POLR1B: variants seen among roughly 807,000 people sequenced by gnomAD.
POLR1B encodes the protein RNA polymerase I subunit B, also known as DNA-directed RNA polymerase I subunit RPA2.
Under a neutral mutation model 105.8 loss-of-function variants are expected in POLR1B, and 30 were observed. That is an observed-to-expected ratio of 0.28 (90% CI 0.21 to 0.38). POLR1B has a LOEUF of 0.38. POLR1B is among the 10% of genes least tolerant of loss of function. The probability of loss-of-function intolerance (pLI) is 1.00; values close to 1 mark genes in which losing one functional copy is unlikely to be tolerated. For synonymous variants in POLR1B, 485 were observed against 505.1 expected (o/e 0.96, Z 0.53); for missense variants, 976 against 1,435.8 (o/e 0.68, Z 5.17).
intron 9 of POLR1B, among the ~76,000 whole-genome samples, chr2:112,560,367 A>G (rs2104544885): frequency 6.6e-6 from 1 of 152,260 alleles, no homozygotes; most frequent in South Asian, 2.1e-4. Flanking sequence ...CTCTTGGCGG[A>G]TCTTTGCATT....
At position 112,568,779 on chromosome 2, in the gene POLR1B, G is replaced by T; in HGVS notation, c.1951G>T (p.Val651Phe). 6.2e-7 allele frequency: 1 copy of T among 1,614,082 alleles called. No homozygotes were observed. Among genetic ancestry groups the T allele is most frequent in the Non-Finnish European group, 8.5e-7 (1 of 1,179,996 alleles). ...FMNVAIFEDE[V>F]FAGVTTHQEL... ...GAATGTCGCTATCTTTGAGGATGAA[G>T]TTTTTGCTGGAGTTACCACACACCA... Residue 651 changes from valine to phenylalanine, a missense_variant, in exon 12 of 15, where the codon GTT becomes TTT. Physicochemically the swap from Val to Phe is conservative, Grantham distance 50. This residue lies in a region of POLR1B where 184 missense variants were observed against 197.4 expected (regional missense o/e 0.93). Transcript: ENST00000263331.
intron 7 of POLR1B, among the ~76,000 whole-genome samples, chr2:112,553,193 A>G (rs1186876946): frequency 7.9e-5 from 12 of 152,222 alleles, no homozygotes; most frequent in Admixed American, 4.6e-4. Flanking sequence ...GATTATTCAC[A>G]TACATGAGCA....
At chr2:112,542,862 A>G in intron 1 of POLR1B, 191 bp downstream of exon 1, 1 of 669,604 alleles carries the variant, frequency 1.5e-6, no homozygotes, top group Non-Finnish European at 2.5e-6. Context: ...GAGGCGTCTT[A>G]AGAGATGTAT....
In POLR1B at chr2:112,573,487, A is replaced by G; in HGVS notation, c.2272-75A>G. 6.0e-6 allele frequency: 9 copies of G among 1,506,416 alleles called. No individual in the cohort carries two copies. The South Asian group carries it at 1.0e-4, about 17-fold the overall frequency. The allele number at this position is 1,506,416 out of a possible 1,614,324, so 93.3% of individuals were successfully genotyped here. ...TGATGCCAGTTATCCTAAACCAAGT[A>G]TGATAGTCCCACCTAGTTTTATTTT... On this transcript the variant is annotated intron_variant, in intron 13 of 14. Transcript: ENST00000263331.
chr2:112,574,236 C>T (rs539507634), intron 14 of POLR1B, among the ~76,000 whole-genome samples: 3 of 152,252 alleles, frequency 2.0e-5, no homozygotes, highest in African/African-American at 7.2e-5. Context: ...AAATGTTGAG[C>T]TCATACCTCT....
chr2:112,559,617 G>GT (rs756049497), intron 9 of POLR1B, 43 bp downstream of exon 9: 3 of 1,577,548 alleles, frequency 1.9e-6, no homozygotes, highest in African/African-American at 2.7e-5. Context: ...GGTTATGTGG[G>GT]TTTTTTTGTG....
At chr2:112,552,557 G>A (rs1220002443) in intron 6 of POLR1B, 88 bp from the exon 7 acceptor site, 3 of 1,301,526 alleles carry the variant, frequency 2.3e-6, no homozygotes, top group Non-Finnish European at 3.1e-6. Context: ...AGTTAAGTAA[G>A]CATGAGTTGG....
intron 10 of POLR1B, among the ~76,000 whole-genome samples, chr2:112,566,048 T>C (rs1684256271): frequency 6.6e-6 from 1 of 152,044 alleles, no homozygotes; most frequent in Non-Finnish European, 1.5e-5. Flanking sequence ...TTAGTAGAGG[T>C]GGGGTTTCAC....
At chr2:112,573,410 G>A (rs904476004) in intron 13 of POLR1B, 152 bp from the exon 14 acceptor site, 9 of 1,060,934 alleles carry the variant, frequency 8.5e-6, no homozygotes, top group Non-Finnish European at 1.1e-5. Context: ...GCCATGTCTG[G>A]GTTTTTGTAG....
chr2:112,543,852 G>T (rs1682893207), intron 1 of POLR1B, among the ~76,000 whole-genome samples: 1 of 152,130 alleles, frequency 6.6e-6, no homozygotes, highest in Non-Finnish European at 1.5e-5. Context: ...GGGAGGCCAA[G>T]GCAGAAGGAT....
rs1236021183 is a variant in POLR1B at position 112,576,026 on chromosome 2, C to T, written c.*297C>T. On this transcript the variant is annotated 3_prime_UTR_variant, in exon 15 of 15. Transcript: ENST00000263331. ...CCTTTCCAACCCCAGGTTCCCTACA[C>T]CCTGCTCTCAGCAGGCAGTGAGTGT... 5.4e-6 allele frequency: 2 copies of T among 371,644 alleles called. No homozygotes were observed. The highest frequency in any genetic ancestry group is 8.7e-5 in the Admixed American group (2 of 23,046). 23.0% of individuals were successfully genotyped at this position (371,644 alleles called of 1,614,324 possible). A position where few individuals can be genotyped will look rare whatever the true frequency, so the allele number is the denominator to read the frequency against.
chr2:112,552,340 C>G (rs1057426925), intron 6 of POLR1B, among the ~76,000 whole-genome samples: 36 of 152,040 alleles, frequency 2.4e-4, no homozygotes, highest in African/African-American at 8.2e-4. Flanking sequence ...GTACATTTTT[C>G]TTTCTGTACA....
In POLR1B at chr2:112,577,881, A is replaced by G. The variant is rs1684938333; in HGVS notation, c.*2152A>G. On this transcript the variant is annotated 3_prime_UTR_variant, in exon 15 of 15. Coordinates refer to ENST00000263331, the MANE Select transcript of POLR1B (RefSeq NM_019014.6). ...GGGAGGCATAAGAAAAAACCAATTT[A>G]ATAGAAAAGATAGGCTTTGCTTCAG... Among the ~76,000 whole-genome samples the G allele has an allele frequency of 6.6e-6, 1 of 151,612 alleles. No individual in the cohort carries two copies. Among genetic ancestry groups the G allele is most frequent in the African/African-American group, 2.4e-5 (1 of 41,254 alleles).
At chr2:112,546,401 G>A (rs1683042880) in intron 1 of POLR1B, among the ~76,000 whole-genome samples, 1 of 152,110 alleles carries the variant, frequency 6.6e-6, no homozygotes, top group African/African-American at 2.4e-5. Flanking sequence ...TTGGTTCAGA[G>A]AACAGGAATT....
chr2:112,557,916 C>A lies in POLR1B; in HGVS notation c.1165C>A (p.Leu389Met). Residue 389 changes from leucine to methionine, a missense_variant, in exon 8 of 15, where the codon CTG becomes ATG. Leu to Met is a conservative substitution (Grantham distance 15, BLOSUM62 2). Around this residue, in one of 12 missense-constraint regions of POLR1B, gnomAD observed 452 missense variants for 616.5 expected, o/e 0.73. Coordinates refer to ENST00000263331, the MANE Select transcript of POLR1B (RefSeq NM_019014.6). ...QLFLMFLKEK[L>M]EGWLVSIKIA... Reference sequence around the variant, plus strand: ...TTTTTTTTCCTTATTTCAGGAAAAACTGGAAGGTTGGTTAGTGTCTATTAA... The same window carrying A: ...TTTTTTTTCCTTATTTCAGGAAAAAATGGAAGGTTGGTTAGTGTCTATTAA... 7.6e-7 allele frequency: 1 copy of A among 1,313,694 alleles called. No individual in the cohort carries two copies. Among genetic ancestry groups the A allele is most frequent in the Non-Finnish European group, 9.9e-7 (1 of 1,011,582 alleles). The allele number at this position is 1,313,694 out of a possible 1,614,324, so 81.4% of individuals were successfully genotyped here. A position where few individuals can be genotyped will look rare whatever the true frequency, so the allele number is the denominator to read the frequency against.
chr2:112,558,212 A>T (rs1038449558), intron 8 of POLR1B, 131 bp downstream of exon 8: 28 of 614,054 alleles, frequency 4.6e-5, no homozygotes, highest in Non-Finnish European at 6.6e-5. Context: ...TATGACTTCG[A>T]CAACTATTGG....
In POLR1B at chr2:112,568,150, G is replaced by T. The variant is rs116553923; in HGVS notation, c.1917+13G>T. ...AACTATGGAACAGGTAAATACATAT[G>T]TGTGATGGATGAGTGTATGTGCTTG... On this transcript the variant is annotated intron_variant, in intron 11 of 14. Coordinates refer to ENST00000263331, the MANE Select transcript of POLR1B (RefSeq NM_019014.6). 5.0e-4 allele frequency: 803 copies of T among 1,607,558 alleles called. 2 individuals carry two copies. The African/African-American group carries it at 9.8e-3, about 20-fold the overall frequency.
At chr2:112,561,077 A>G (rs1683955438) in intron 9 of POLR1B, among the ~76,000 whole-genome samples, 1 of 151,002 alleles carries the variant, frequency 6.6e-6, no homozygotes. Flanking sequence ...AAAAAAAAAG[A>G]GAGAGAGAGT....
chr2:112,550,515 A>G (rs1266865994), intron 4 of POLR1B, among the ~76,000 whole-genome samples: 1 of 152,116 alleles, frequency 6.6e-6, no homozygotes, highest in African/African-American at 2.4e-5. Context: ...CTAAAATTCT[A>G]CTTTTCTCCA....
Sources: allele counts gnomAD v4.1 joint callset (sites outside exome capture counted in the v4.1 genomes callset), GRCh38; gene constraint gnomAD v4.1.1; regional missense constraint gnomAD v4.1.1; transcripts MANE v1.5; gene names NCBI Gene and HGNC (gene_info 2026-07-23, HGNC 2026-07-21).